GFRA1: variants seen among roughly 807,000 people sequenced by gnomAD.
GFRA1 encodes the protein GDNF family receptor alpha 1, also known as GDNF family receptor alpha-1.
In GFRA1, 16 loss-of-function variants were observed where a neutral mutation model predicts 51.6. That is an observed-to-expected ratio of 0.31 (90% CI 0.21 to 0.47). The LOEUF is 0.47. GFRA1 is among the 20% of genes least tolerant of loss of function. GFRA1 has a pLI of 1.00. For synonymous variants in GFRA1, 270 were observed against 241.3 expected, an observed-to-expected ratio of 1.12 and a Z score of -1.10; for missense variants, 530 against 594.3, an observed-to-expected ratio of 0.89 and a Z score of 1.13.
chr10:116,136,020 AATCTTT>A (rs1958311138), intron 5 of GFRA1, among the ~76,000 whole-genome samples: 1 of 152,214 alleles, frequency 6.6e-6, no homozygotes, highest in Non-Finnish European at 1.5e-5. Context: ...AATCTCAGAT[AATCTTT>A]ATAACATCCC....
intron 6 of GFRA1, 63 bp from the exon 7 acceptor site, chr10:116,096,827 C>T: frequency 1.2e-6 from 1 of 865,468 alleles, no homozygotes; most frequent in Non-Finnish European, 1.9e-6. Context: ...AGCCTCCGGA[C>T]AGACATGTTT....
At chr10:116,226,466 T>G (rs1966300444) in intron 4 of GFRA1, among the ~76,000 whole-genome samples, 1 of 152,174 alleles carries the variant, frequency 6.6e-6, no homozygotes, top group Admixed American at 6.5e-5. Flanking sequence ...CAAGCGGCTT[T>G]GCATGTCATC....
At chr10:116,262,865 T>G (rs1035716375) in intron 4 of GFRA1, among the ~76,000 whole-genome samples, 1 of 152,116 alleles carries the variant, frequency 6.6e-6, no homozygotes, top group African/African-American at 2.4e-5. Context: ...GAAAGATTTA[T>G]GGGGAGAGGT....
chr10:116,111,348 T>C (rs1020065877), intron 6 of GFRA1, among the ~76,000 whole-genome samples: 6 of 152,224 alleles, frequency 3.9e-5, no homozygotes, highest in African/African-American at 1.2e-4. Context: ...TGACTAGAGA[T>C]ACCATCAGCT....
At chr10:116,071,221 T>C (rs1202099031) in intron 9 of GFRA1, among the ~76,000 whole-genome samples, 2 of 152,172 alleles carry the variant, frequency 1.3e-5, no homozygotes, top group Admixed American at 1.3e-4. Context: ...GTGACTCTTC[T>C]ACCACTGAGC....
intron 4 of GFRA1, among the ~76,000 whole-genome samples, chr10:116,215,426 G>A (rs1030140363): frequency 6.6e-6 from 1 of 152,084 alleles, no homozygotes; most frequent in East Asian, 1.9e-4. Flanking sequence ...AAATCAAAAG[G>A]CCTCGAATTT....
At chr10:116,262,707 A>G (rs1261250705) in intron 4 of GFRA1, among the ~76,000 whole-genome samples, 1 of 152,180 alleles carries the variant, frequency 6.6e-6, no homozygotes, top group Admixed American at 6.5e-5. Context: ...GAGGGGCAGG[A>G]CAGGGAGAGA....
At chr10:116,109,458 A>G (rs1456204806) in intron 6 of GFRA1, among the ~76,000 whole-genome samples, 1 of 152,202 alleles carries the variant, frequency 6.6e-6, no homozygotes, top group African/African-American at 2.4e-5. Flanking sequence ...AAACATAAAA[A>G]AAATAATATC....
At position 116,208,366 on chromosome 10, in the gene GFRA1, A is replaced by G. The variant is rs189856897; in HGVS notation, c.433+3265T>C. The stretch of plus-strand genomic sequence containing the variant: ...CCCCTCAAGCTAGACTATAAGTTCC[A>G]CGAAAACAGGACCCTTTGCTGTCTT... On this transcript the variant is annotated intron_variant, in intron 5 of 10. Coordinates refer to ENST00000355422, the MANE Select transcript of GFRA1 (RefSeq NM_005264.8). Among the ~76,000 whole-genome samples, 18 of 152,230 alleles carry G rather than the reference A, an allele frequency of 1.2e-4. No homozygotes were observed. In the East Asian group the frequency reaches 3.5e-3, roughly 30 times the overall value.
chr10:116,267,974 C>CA (rs1278868207), intron 4 of GFRA1, among the ~76,000 whole-genome samples: 1 of 147,368 alleles, frequency 6.8e-6, no homozygotes, highest in African/African-American at 2.5e-5. Context: ...CACACACACA[C>CA]ACTTTTCCTC....
chr10:116,164,709 A>G (rs1379282622), intron 5 of GFRA1, among the ~76,000 whole-genome samples: 3 of 152,192 alleles, frequency 2.0e-5, no homozygotes. Flanking sequence ...TCTTACTGTT[A>G]AAGTCACACA....
intron 5 of GFRA1, among the ~76,000 whole-genome samples, chr10:116,179,348 C>T (rs1351074541): frequency 1.3e-5 from 2 of 152,152 alleles, no homozygotes; most frequent in South Asian, 4.1e-4. Flanking sequence ...TTTGTGAGGA[C>T]AGTATAAGTA....
In GFRA1 at chr10:116,084,564, A is replaced by G. The variant is rs575905877; in HGVS notation, c.1197+5177T>C. 4.6e-5 allele frequency among the ~76,000 whole-genome samples: 7 copies of G among 152,320 alleles called. No homozygotes were observed. The East Asian group carries it at 7.8e-4, about 17-fold the overall frequency. ...CAAGGGGCTGAAGGAAGGCAGAGGC[A>G]GTGAAACCTTCTCAGGAGGCCTGAG... On this transcript the variant is annotated intron_variant, in intron 9 of 10. Transcript: ENST00000355422.
chr10:116,227,282 C>T (rs577019116), intron 4 of GFRA1, among the ~76,000 whole-genome samples: 27 of 152,200 alleles, frequency 1.8e-4, no homozygotes, highest in Non-Finnish European at 3.5e-4. Flanking sequence ...GAACCCCTAC[C>T]AAACTGTCAG....
intron 9 of GFRA1, among the ~76,000 whole-genome samples, chr10:116,074,403 ACAGC>A (rs1955529497): frequency 6.6e-6 from 1 of 152,206 alleles, no homozygotes; most frequent in East Asian, 1.9e-4. Context: ...CCAGGCTCAC[ACAGC>A]CAGCATGGAC....
At chr10:116,138,149 T>C (rs1958411771) in intron 5 of GFRA1, among the ~76,000 whole-genome samples, 1 of 152,164 alleles carries the variant, frequency 6.6e-6, no homozygotes, top group Non-Finnish European at 1.5e-5. Flanking sequence ...AGGTGCTTCC[T>C]GTCCCATTGG....
intron 9 of GFRA1, among the ~76,000 whole-genome samples, chr10:116,071,328 T>G (rs1955383112): frequency 6.6e-6 from 1 of 152,210 alleles, no homozygotes; most frequent in African/African-American, 2.4e-5. Context: ...CATTAAACTC[T>G]TAGAAGGCCT....
chr10:116,141,795 G>C (rs1295100386), intron 5 of GFRA1, among the ~76,000 whole-genome samples: 1 of 152,116 alleles, frequency 6.6e-6, no homozygotes, highest in African/African-American at 2.4e-5. Context: ...AGTTGTCCAG[G>C]CTGGTCTCAA....
At chr10:116,162,644 T>G (rs1294383227) in intron 5 of GFRA1, among the ~76,000 whole-genome samples, 1 of 152,228 alleles carries the variant, frequency 6.6e-6, no homozygotes, top group Non-Finnish European at 1.5e-5. Context: ...AAAATCCGTG[T>G]TGAAAACTTT....
Sources: allele counts gnomAD v4.1 joint callset (sites outside exome capture counted in the v4.1 genomes callset), GRCh38; gene constraint gnomAD v4.1.1; transcripts MANE v1.5; gene names NCBI Gene and HGNC (gene_info 2026-07-23, HGNC 2026-07-21).